XPNPEP1: variants seen among roughly 807,000 people sequenced by gnomAD.
XPNPEP1 encodes the protein xaa-Pro aminopeptidase 1.
In XPNPEP1, 39 loss-of-function variants were observed where a neutral mutation model predicts 92.4. The ratio of observed to expected loss-of-function variants is 0.42; its 90% confidence interval spans 0.33 to 0.55. The LOEUF is 0.55. XPNPEP1 is among the 20% of genes least tolerant of loss of function. The probability of loss-of-function intolerance (pLI) is 0.08; values close to 1 mark genes in which losing one functional copy is unlikely to be tolerated. For missense variants in XPNPEP1, 654 were observed against 856.1 expected, an observed-to-expected ratio of 0.76 and a Z score of 2.95; for synonymous variants, 307 against 299.4, an observed-to-expected ratio of 1.03 and a Z score of -0.26.
At chr10:109,921,311 AACATCCAGCTCAGTGCTCCT>A (rs1850525573) in intron 1 of XPNPEP1, among the ~76,000 whole-genome samples, 1 of 152,236 alleles carries the variant, frequency 6.6e-6, no homozygotes, top group African/African-American at 2.4e-5. Flanking sequence ...CCAGCCTCCC[AACATCCAGCTCAGTGCTCCT>A]ACCCTTCCCA....
At chr10:109,911,284 C>CTTTT (rs973551222) in intron 2 of XPNPEP1, among the ~76,000 whole-genome samples, 7 of 151,690 alleles carry the variant, frequency 4.6e-5, no homozygotes, top group African/African-American at 1.7e-4. Context: ...GAGGGGCATT[C>CTTTT]TTTTTTTTTC....
At chr10:109,868,201 G>A (rs1847244212) in intron 20 of XPNPEP1, among the ~76,000 whole-genome samples, 1 of 152,108 alleles carries the variant, frequency 6.6e-6, no homozygotes, top group Admixed American at 6.6e-5. Flanking sequence ...AATGTTTCAT[G>A]TAACACAAGA....
chr10:109,873,215 CT>C, intron 16 of XPNPEP1, 151 bp downstream of exon 16: 1 of 833,136 alleles, frequency 1.2e-6, no homozygotes. Flanking sequence ...TTAAATGAAC[CT>C]CGTAAAGCAG....
chr10:109,905,640 G>C (rs1849519537), intron 3 of XPNPEP1, among the ~76,000 whole-genome samples: 2 of 152,242 alleles, frequency 1.3e-5, no homozygotes, highest in South Asian at 4.1e-4. Context: ...GAGATCTGTT[G>C]CACAACAATA....
intron 2 of XPNPEP1, among the ~76,000 whole-genome samples, chr10:109,914,782 G>A (rs1408683331): frequency 2.1e-5 from 3 of 145,322 alleles, no homozygotes; most frequent in Non-Finnish European, 3.0e-5. Flanking sequence ...GGTGACCAAG[G>A]GCGAGACTCC....
intron 20 of XPNPEP1, among the ~76,000 whole-genome samples, chr10:109,868,327 T>G (rs914118129): frequency 6.6e-6 from 1 of 151,802 alleles, no homozygotes; most frequent in Non-Finnish European, 1.5e-5. Context: ...GGAGGAATAG[T>G]ACAGCCAAAC....
At chr10:109,870,999 T>C (rs185077945) in intron 17 of XPNPEP1, 95 bp from the exon 18 acceptor site, 9 of 1,403,530 alleles carry the variant, frequency 6.4e-6, no homozygotes, top group African/African-American at 2.9e-5. Context: ...CAGAAACCAA[T>C]AGGTAAGTTA....
intron 2 of XPNPEP1, among the ~76,000 whole-genome samples, chr10:109,914,099 A>C (rs911673888): frequency 6.8e-6 from 1 of 147,420 alleles, no homozygotes. Context: ...AAAAAAAAAA[A>C]CACATGGTTC....
intron 15 of XPNPEP1, among the ~76,000 whole-genome samples, chr10:109,874,431 A>G (rs914030326): frequency 6.6e-6 from 1 of 152,236 alleles, no homozygotes; most frequent in African/African-American, 2.4e-5. Context: ...ACACTAGACT[A>G]TATCCCTGAC....
intron 3 of XPNPEP1, among the ~76,000 whole-genome samples, chr10:109,898,902 AGT>A (rs1290930666): frequency 2.6e-5 from 4 of 152,316 alleles, no homozygotes; most frequent in African/African-American, 9.6e-5. Context: ...GCATGACTAA[AGT>A]TACTAGAGTC....
At chr10:109,897,714 C>T (rs567330410) in intron 3 of XPNPEP1, among the ~76,000 whole-genome samples, 13 of 150,856 alleles carry the variant, frequency 8.6e-5, no homozygotes, top group Admixed American at 7.3e-4. Context: ...AGTGCAGTGG[C>T]GCAATCTAGG....
chr10:109,885,180 C>G (rs1319731081), intron 8 of XPNPEP1, among the ~76,000 whole-genome samples: 1 of 152,156 alleles, frequency 6.6e-6, no homozygotes, highest in Non-Finnish European at 1.5e-5. Flanking sequence ...TACAGGATTA[C>G]TGCAAATAAC....
At chr10:109,887,824 C>T (rs1392573385) in intron 7 of XPNPEP1, among the ~76,000 whole-genome samples, 2 of 152,194 alleles carry the variant, frequency 1.3e-5, no homozygotes, top group Admixed American at 6.5e-5. Context: ...GCCACCCAAA[C>T]GAGCTTTGCG....
intron 7 of XPNPEP1, among the ~76,000 whole-genome samples, chr10:109,887,409 C>T (rs769070341): frequency 6.6e-6 from 1 of 152,170 alleles, no homozygotes; most frequent in Non-Finnish European, 1.5e-5. Flanking sequence ...TAGGCTGTCA[C>T]GCTTTCTTCC....
intron 1 of XPNPEP1, among the ~76,000 whole-genome samples, chr10:109,921,747 T>C (rs1850554886): frequency 6.6e-6 from 1 of 152,022 alleles, no homozygotes; most frequent in African/African-American, 2.4e-5. Flanking sequence ...GCCCAAGGGG[T>C]TCAAAGCAGT....
rs192905567 is a variant in XPNPEP1 at position 109,888,641 on chromosome 10, G to A, written c.416-46C>T. 9.6e-5 allele frequency: 139 copies of A among 1,447,584 alleles called. No homozygotes were observed. In the African/African-American group the frequency reaches 1.5e-3, roughly 15 times the overall value. The allele number at this position is 1,447,584 out of a possible 1,614,324, so 89.7% of individuals were successfully genotyped here. A position where few individuals can be genotyped will look rare whatever the true frequency, so the allele number is the denominator to read the frequency against. ...AAGAAACAATTCCCAGTGGGCCCAC[G>A]CTCATTATCCCACCAGAAAGATACA... On this transcript the variant is annotated intron_variant, in intron 5 of 20. Coordinates refer to ENST00000502935, the MANE Select transcript of XPNPEP1 (RefSeq NM_020383.4).
intron 3 of XPNPEP1, among the ~76,000 whole-genome samples, chr10:109,904,933 C>A (rs949793386): frequency 6.6e-6 from 1 of 152,012 alleles, no homozygotes; most frequent in Non-Finnish European, 1.5e-5. Flanking sequence ...GAATGGAAAA[C>A]AGGATCTCAA....
chr10:109,912,084 T>C (rs1849908403), intron 2 of XPNPEP1, among the ~76,000 whole-genome samples: 1 of 152,180 alleles, frequency 6.6e-6, no homozygotes, highest in South Asian at 2.1e-4. Flanking sequence ...CTGATCTTCA[T>C]CACTACCACC....
At chr10:109,882,304 G>C in intron 10 of XPNPEP1, 128 bp downstream of exon 10, 1 of 1,052,134 alleles carries the variant, frequency 9.5e-7, no homozygotes, top group South Asian at 1.8e-5. Flanking sequence ...CAGCTTTAAG[G>C]CCTCATCCAT....
Sources: allele counts gnomAD v4.1 joint callset (sites outside exome capture counted in the v4.1 genomes callset), GRCh38; gene constraint gnomAD v4.1.1; transcripts MANE v1.5; gene names NCBI Gene and HGNC (gene_info 2026-07-23, HGNC 2026-07-21).